CDK5RAP2: variants seen among roughly 807,000 people sequenced by gnomAD.
CDK5RAP2 encodes CDK5 regulatory subunit-associated protein 2.
A neutral mutation model predicts 232.9 loss-of-function variants in CDK5RAP2; 147 were observed. That is an observed-to-expected ratio of 0.63 (90% CI 0.55 to 0.72). The LOEUF is 0.72. CDK5RAP2 is among the 30% of genes least tolerant of loss of function. The probability of loss-of-function intolerance (pLI) is 0.00; values close to 1 mark genes in which losing one functional copy is unlikely to be tolerated. For synonymous variants in CDK5RAP2, 833 were observed against 833.7 expected (o/e 1.00, Z 0.01); for missense variants, 2,195 against 2,231.5 (o/e 0.98, Z 0.33).
chr9:120,509,997 G>C (rs1020186306), intron 12 of CDK5RAP2, among the ~76,000 whole-genome samples: 2 of 151,938 alleles, frequency 1.3e-5, no homozygotes, highest in Non-Finnish European at 2.9e-5. Flanking sequence ...AGGGCAAGAG[G>C]AGCTTTGGCC....
At chr9:120,551,357 T>A (rs900739470) in intron 3 of CDK5RAP2, among the ~76,000 whole-genome samples, 1 of 152,132 alleles carries the variant, frequency 6.6e-6, no homozygotes, top group Non-Finnish European at 1.5e-5. Context: ...ATTCAGACAG[T>A]CATAACATAT....
At chr9:120,469,615 A>G (rs1324822730) in intron 17 of CDK5RAP2, among the ~76,000 whole-genome samples, 1 of 152,234 alleles carries the variant, frequency 6.6e-6, no homozygotes, top group Non-Finnish European at 1.5e-5. Context: ...CAGTTTAAAA[A>G]AAGATTTATT....
chr9:120,561,995 T>C (rs895104073), intron 3 of CDK5RAP2, among the ~76,000 whole-genome samples: 2 of 152,208 alleles, frequency 1.3e-5, no homozygotes, highest in Non-Finnish European at 2.9e-5. Context: ...GGGCAAGTTG[T>C]TTAATCTCTC....
chr9:120,541,090 C>T (rs2041612942), intron 5 of CDK5RAP2, among the ~76,000 whole-genome samples: 1 of 152,200 alleles, frequency 6.6e-6, no homozygotes, highest in Non-Finnish European at 1.5e-5. Context: ...AGAAGCCCTT[C>T]CTTCCCGAGC....
At chr9:120,543,391 C>G (rs1296455655) in intron 5 of CDK5RAP2, among the ~76,000 whole-genome samples, 1 of 152,186 alleles carries the variant, frequency 6.6e-6, no homozygotes, top group Non-Finnish European at 1.5e-5. Flanking sequence ...AGATAAAGAT[C>G]AAAATCTCTA....
At chr9:120,529,936 G>A in intron 8 of CDK5RAP2, 42 bp downstream of exon 8, 7 of 1,594,030 alleles carry the variant, frequency 4.4e-6, no homozygotes, top group Non-Finnish European at 5.2e-6. Flanking sequence ...GAGGAGTCTG[G>A]TTGGCTAATT....
At chr9:120,456,365 C>T (rs892816682) in intron 20 of CDK5RAP2, among the ~76,000 whole-genome samples, 2 of 152,206 alleles carry the variant, frequency 1.3e-5, no homozygotes, top group Admixed American at 1.3e-4. Flanking sequence ...CTTTAACATA[C>T]TCCGAACTTC....
At chr9:120,485,652 T>C (rs566109360) in intron 14 of CDK5RAP2, among the ~76,000 whole-genome samples, 15 of 152,374 alleles carry the variant, frequency 9.8e-5, no homozygotes, top group African/African-American at 3.1e-4. Context: ...GTAATGAAGA[T>C]ATTTCCAACT....
rs376139111 is a variant in CDK5RAP2 at position 120,477,388 on chromosome 9, G to A, written c.1689C>T (p.Ile563=). Reference sequence around the variant, plus strand: ...GCAGAGATTTGACCAGATGGGTATAGATGTCCTGCTCTTTCTTTAAGACCT... The same window carrying A: ...GCAGAGATTTGACCAGATGGGTATAAATGTCCTGCTCTTTCTTTAAGACCT... ...LIQVLKKEQD[I]YTHLVKSLQE... Residue 563 remains isoleucine (I), a synonymous_variant, in exon 15 of 38, where the codon ATC becomes ATT. Transcript: ENST00000349780. The A allele has an allele frequency of 3.7e-6, 6 of 1,613,834 alleles. No homozygotes were observed. The Admixed American group carries it at 5.0e-5, about 13-fold the overall frequency.
At chr9:120,535,969 T>C (rs923040623) in intron 7 of CDK5RAP2, among the ~76,000 whole-genome samples, 1 of 152,200 alleles carries the variant, frequency 6.6e-6, no homozygotes, top group African/African-American at 2.4e-5. Flanking sequence ...ACAAGAGAAA[T>C]TTCCTCTGAT....
chr9:120,431,234 C>T lies in CDK5RAP2; in HGVS notation c.3955+6061G>A, dbSNP rs534434056. ...ATATGTAACTAACCTGCACATTGCG[C>T]ACATGTACCCTAAAACTTAAAGTAT... On this transcript the variant is annotated intron_variant, in intron 25 of 37. Coordinates refer to ENST00000349780, the MANE Select transcript of CDK5RAP2 (RefSeq NM_018249.6). Among the ~76,000 whole-genome samples, 5 of 152,164 alleles carry T rather than the reference C, an allele frequency of 3.3e-5. No homozygotes were observed. The East Asian group carries it at 7.7e-4, about 23-fold the overall frequency.
chr9:120,506,543 T>C (rs889943175), intron 12 of CDK5RAP2, among the ~76,000 whole-genome samples: 1 of 152,228 alleles, frequency 6.6e-6, no homozygotes, highest in Admixed American at 6.5e-5. Flanking sequence ...GGAAAACCTT[T>C]TGGAAAGGAT....
At chr9:120,449,948 C>G (rs940591000) in intron 21 of CDK5RAP2, among the ~76,000 whole-genome samples, 2 of 152,166 alleles carry the variant, frequency 1.3e-5, no homozygotes. Flanking sequence ...CTTTAGAAAA[C>G]AGTCTGGCAG....
At position 120,453,464 on chromosome 9, in the gene CDK5RAP2, T is replaced by C; in HGVS notation, c.2785A>G (p.Thr929Ala). Residue 929 changes from threonine (T) to alanine (A), a missense_variant, in exon 21 of 38, where the codon ACC (threonine) becomes GCC (alanine). By Grantham distance (58) the Thr-to-Ala change is moderately conservative (BLOSUM62 0). Transcript: ENST00000349780. ...TACATGGAAAAACTTACTCTGTTGG[T>C]AATACCAGGGAGGGAAAGGAGGGCA... ...QAALLSLPGI[T>A]NREAKKSRLP... is the part of the protein sequence containing the mutation. 1.2e-6 allele frequency: 2 copies of C among 1,608,984 alleles called. No individual in the cohort carries two copies. Among genetic ancestry groups the C allele is most frequent in the Non-Finnish European group, 1.7e-6 (2 of 1,178,238 alleles).
Position 120,407,002 on chromosome 9 carries a change from G to C in CDK5RAP2, c.4963+10C>G, listed in dbSNP as rs1588249245. ...CATTCTCAGCAAGTGGGGAGAGGCA[G>C]GGGCAGTACCGTGTTTGTCAGGCTG... On this transcript the variant is annotated intron_variant, in intron 32 of 37. Coordinates refer to ENST00000349780, the MANE Select transcript of CDK5RAP2 (RefSeq NM_018249.6). 3 of 1,595,320 alleles carry C rather than the reference G, an allele frequency of 1.9e-6. No homozygotes were observed. The highest frequency in any genetic ancestry group is 2.7e-5 in the African/African-American group (2 of 74,682).
chr9:120,511,144 T>C (rs1380676209), intron 12 of CDK5RAP2, among the ~76,000 whole-genome samples: 1 of 152,118 alleles, frequency 6.6e-6, no homozygotes, highest in African/African-American at 2.4e-5. Flanking sequence ...AGCAGAAGAA[T>C]TGCCTCCCTA....
chr9:120,569,890 T>G (rs1265637610), intron 2 of CDK5RAP2, among the ~76,000 whole-genome samples: 1 of 150,820 alleles, frequency 6.6e-6, no homozygotes, highest in Non-Finnish European at 1.5e-5. Context: ...ATGGAAGGAG[T>G]ATAGGTGGGT....
At chr9:120,473,348 G>T (rs941360636) in intron 15 of CDK5RAP2, among the ~76,000 whole-genome samples, 12 of 152,144 alleles carry the variant, frequency 7.9e-5, no homozygotes, top group Admixed American at 7.9e-4. Flanking sequence ...AAAAATGAAT[G>T]AATTTGTGGA....
chr9:120,568,921 T>G (rs1410199854), intron 2 of CDK5RAP2, among the ~76,000 whole-genome samples: 1 of 152,208 alleles, frequency 6.6e-6, no homozygotes, highest in Non-Finnish European at 1.5e-5. Flanking sequence ...CAATAAAAGT[T>G]TATTTTCAAA....
Sources: gnomAD v4.1 joint callset for allele counts (sites outside exome capture counted in the v4.1 genomes callset) on GRCh38, gnomAD v4.1.1 for gene constraint, MANE v1.5 for transcripts, NCBI Gene and HGNC (gene_info 2026-07-23, HGNC 2026-07-21) for gene names.